Variants in TENM1 observed in about 807,000 individuals in gnomAD.
TENM1 encodes teneurin transmembrane protein 1.
TENM1 carries 35 observed loss-of-function variants against 174.8 expected under a neutral mutation model. That is an observed-to-expected ratio of 0.20 (90% CI 0.15 to 0.27). The LOEUF (loss-of-function observed/expected upper bound fraction) is 0.27. TENM1 is among the 10% of genes least tolerant of loss of function. TENM1 has a pLI of 1.00. For missense variants in TENM1, 1,633 were observed against 2,130.1 expected (o/e 0.77, Z 4.59); for synonymous variants, 781 against 798.7 (o/e 0.98, Z 0.37).
the TENM1 span, among the ~76,000 whole-genome samples, chrX:124,986,047 G>A: frequency 9.0e-6 from 1 of 111,541 alleles, no homozygotes; most frequent in East Asian, 2.8e-4. Context: ...ATAAGGAGAG[G>A]TGTTCACTAT....
chrX:124,794,750 C>T (rs1188184143), intron 3 of TENM1, among the ~76,000 whole-genome samples: 1 of 111,631 alleles, frequency 9.0e-6, no homozygotes, highest in Admixed American at 9.5e-5. Context: ...ATTGTAATGG[C>T]CTCCAAGACC....
chrX:125,143,155 A>G, the TENM1 span, among the ~76,000 whole-genome samples: 18 of 111,761 alleles, frequency 1.6e-4, no homozygotes, highest in East Asian at 3.7e-3. Flanking sequence ...TTGTTTTTCA[A>G]GTTGCCCAGA....
the TENM1 span, among the ~76,000 whole-genome samples, chrX:125,135,360 G>A: frequency 2.7e-5 from 3 of 111,595 alleles, no homozygotes; most frequent in African/African-American, 9.8e-5. Context: ...TCAAATGCTT[G>A]GCAGCAATGA....
chrX:124,555,039 T>C (rs915870130), intron 14 of TENM1, among the ~76,000 whole-genome samples: 3 of 112,060 alleles, frequency 2.7e-5, no homozygotes, highest in African/African-American at 9.7e-5. Context: ...TTGAAAATAT[T>C]TCCACAATAT....
the TENM1 span, among the ~76,000 whole-genome samples, chrX:125,110,520 G>A: frequency 9.0e-6 from 1 of 110,933 alleles, no homozygotes; most frequent in Non-Finnish European, 1.9e-5. Context: ...AGGGAAAAGG[G>A]AATAGTGAAT....
At chrX:124,936,888 A>T (rs190225249) in intron 1 of TENM1, among the ~76,000 whole-genome samples, 5 of 110,840 alleles carry the variant, frequency 4.5e-5, no homozygotes, top group Non-Finnish European at 9.4e-5. Context: ...CTCTACTAAA[A>T]ATACAAAATT....
At chrX:124,720,219 G>A (rs1475733482) in intron 4 of TENM1, among the ~76,000 whole-genome samples, 1 of 111,857 alleles carries the variant, frequency 8.9e-6, no homozygotes, top group Non-Finnish European at 1.9e-5. Context: ...AGTTTAACAT[G>A]CCTCGTTATA....
chrX:124,604,730 G>T (rs2050110388), intron 11 of TENM1, among the ~76,000 whole-genome samples: 1 of 110,653 alleles, frequency 9.0e-6, no homozygotes, highest in South Asian at 3.8e-4. Flanking sequence ...GAAAACTCAA[G>T]CAGTAAACCA....
chrX:125,034,836 C>T, the TENM1 span, among the ~76,000 whole-genome samples: 1 of 111,282 alleles, frequency 9.0e-6, no homozygotes, highest in Non-Finnish European at 1.9e-5. Context: ...CCTAGGGAAC[C>T]AACTAAATCT....
At chrX:124,705,315 C>T in intron 4 of TENM1, 64 bp from the exon 8 acceptor site, 1 of 882,058 alleles carries the variant, frequency 1.1e-6, no homozygotes, top group African/African-American at 2.0e-5. Context: ...AAAACACAAA[C>T]TCCATTAATT....
chrX:124,939,422 G>A (rs1259954223), intron 1 of TENM1, among the ~76,000 whole-genome samples: 3 of 110,890 alleles, frequency 2.7e-5, no homozygotes, highest in South Asian at 7.7e-4. Flanking sequence ...CTTATCAGTC[G>A]AACCTCCAAG....
chrX:125,013,595 A>G, the TENM1 span, among the ~76,000 whole-genome samples: 2,856 of 111,631 alleles, frequency 0.026, 24 homozygotes, highest in East Asian at 0.066. Flanking sequence ...AAAATTACCT[A>G]TGTAATTTGT....
At chrX:124,751,436 C>T (rs928023074) in intron 3 of TENM1, among the ~76,000 whole-genome samples, 2 of 111,386 alleles carry the variant, frequency 1.8e-5, no homozygotes, top group Admixed American at 1.9e-4. Flanking sequence ...CAACTAGAAA[C>T]TCTAGAAATA....
chrX:124,567,821 G>A lies in TENM1; in HGVS notation c.2078-2261C>T, dbSNP rs376413483. 1.6e-4 allele frequency among the ~76,000 whole-genome samples: 18 copies of A among 111,181 alleles called. 1 individual carries two copies. The highest frequency in any genetic ancestry group is 4.2e-4 in the African/African-American group (13 of 30,630). On this transcript the variant is annotated intron_variant, in intron 11 of 31. Coordinates refer to ENST00000422452, the Ensembl canonical transcript of TENM1. ...ATATTATCATTCTGTTCCCCTTCAC[G>A]GCCTCCTCCCAAGACATTAAAAACT...
the TENM1 span, among the ~76,000 whole-genome samples, chrX:124,979,907 G>A: frequency 8.9e-6 from 1 of 111,921 alleles, no homozygotes; most frequent in Non-Finnish European, 1.9e-5. Context: ...ACATATTTAT[G>A]AGATCATTTG....
chrX:124,463,870 TGTGTGTGG>T (rs2061210705), intron 22 of TENM1, among the ~76,000 whole-genome samples: 1 of 106,146 alleles, frequency 9.4e-6, no homozygotes, highest in African/African-American at 3.5e-5. Flanking sequence ...TGTGTGTGTG[TGTGTGTGG>T]AGAGAGAGAG....
intron 5 of TENM1, among the ~76,000 whole-genome samples, chrX:124,681,873 T>C (rs1446525014): frequency 8.9e-6 from 1 of 111,927 alleles, no homozygotes; most frequent in Non-Finnish European, 1.9e-5. Flanking sequence ...CAATCATTAT[T>C]AAGCCTGTTT....
At chrX:124,602,884 A>T (rs1253641703) in intron 11 of TENM1, among the ~76,000 whole-genome samples, 1 of 111,529 alleles carries the variant, frequency 9.0e-6, no homozygotes, top group Admixed American at 9.6e-5. Context: ...ACGAGACCTT[A>T]TTTTGAAAAA....
chrX:124,791,344 A>T (rs763267802), intron 3 of TENM1, among the ~76,000 whole-genome samples: 140 of 112,033 alleles, frequency 1.2e-3, no homozygotes, highest in African/African-American at 4.3e-3. Context: ...AAAGCAAATG[A>T]TAACAGTCTA....
Sources: allele counts gnomAD v4.1 joint callset (sites outside exome capture counted in the v4.1 genomes callset), GRCh38; gene constraint gnomAD v4.1.1; transcripts MANE v1.5; gene names NCBI Gene and HGNC (gene_info 2026-07-23, HGNC 2026-07-21).